Variants in SGMS1 observed in about 807,000 individuals in gnomAD.
SGMS1 encodes phosphatidylcholine:ceramide cholinephosphotransferase 1.
Under a neutral mutation model 46.2 loss-of-function variants are expected in SGMS1, and 13 were observed. The ratio of observed to expected loss-of-function variants is 0.28; its 90% confidence interval spans 0.18 to 0.45. SGMS1 has a LOEUF of 0.45. Among genes scored for constraint, SGMS1 ranks in the 20% least tolerant of loss-of-function variants. SGMS1 has a pLI of 1.00. For synonymous variants in SGMS1, 203 were observed against 187.8 expected (o/e 1.08, Z -0.66); for missense variants, 324 against 519.9 (o/e 0.62, Z 3.66).
chr10:50,383,235 A>C (rs1169155916), intron 6 of SGMS1, among the ~76,000 whole-genome samples: 2 of 152,220 alleles, frequency 1.3e-5, no homozygotes, highest in African/African-American at 2.4e-5. Flanking sequence ...ATCACATAGA[A>C]GAATTATGCA....
At position 50,392,840 on chromosome 10, in the gene SGMS1, T is replaced by C. The variant is rs565259437; in HGVS notation, c.-232+40636A>G. Among the ~76,000 whole-genome samples, 5 of 152,304 alleles carry C rather than the reference T, an allele frequency of 3.3e-5. No individual in the cohort carries two copies. In the East Asian group the frequency reaches 9.6e-4, roughly 29 times the overall value. ...AAGAATCCAGAAAGTTGATTGTTAATGCTGGGAGATACGGATATGGAGTTC... is the reference window on the plus strand; with the variant it reads ...AAGAATCCAGAAAGTTGATTGTTAACGCTGGGAGATACGGATATGGAGTTC... On this transcript the variant is annotated intron_variant, in intron 6 of 10. Transcript: ENST00000361781.
At chr10:50,487,367 A>G (rs978359714) in intron 3 of SGMS1, among the ~76,000 whole-genome samples, 2 of 152,164 alleles carry the variant, frequency 1.3e-5, no homozygotes, top group Non-Finnish European at 2.9e-5. Context: ...GCAGATGGAA[A>G]ATAGCTAATG....
At chr10:50,358,548 G>A (rs895401591) in intron 6 of SGMS1, among the ~76,000 whole-genome samples, 10 of 152,098 alleles carry the variant, frequency 6.6e-5, no homozygotes, top group Non-Finnish European at 1.2e-4. Flanking sequence ...ACTTAACTGG[G>A]CGTGGTAGCT....
At chr10:50,601,420 C>G (rs1385099935) in intron 1 of SGMS1, among the ~76,000 whole-genome samples, 2 of 152,232 alleles carry the variant, frequency 1.3e-5, no homozygotes, top group African/African-American at 4.8e-5. Context: ...ATTTTCTCAT[C>G]ATTTAGCTGC....
At chr10:50,396,412 A>G (rs1030380887) in intron 6 of SGMS1, among the ~76,000 whole-genome samples, 4 of 152,216 alleles carry the variant, frequency 2.6e-5, no homozygotes, top group Non-Finnish European at 1.5e-5. Flanking sequence ...ATGTTCCACA[A>G]CTGTAAATGC....
At chr10:50,447,175 G>A (rs1327701752) in intron 5 of SGMS1, among the ~76,000 whole-genome samples, 1 of 152,016 alleles carries the variant, frequency 6.6e-6, no homozygotes, top group Non-Finnish European at 1.5e-5. Context: ...CAATTCAAGG[G>A]AGAGAGACTC....
chr10:50,436,803 T>C (rs1005673057), intron 5 of SGMS1, among the ~76,000 whole-genome samples: 6 of 107,548 alleles, frequency 5.6e-5, no homozygotes, highest in African/African-American at 1.9e-4. Context: ...CCTGTGGCCA[T>C]GAGACACAGT....
At chr10:50,596,232 A>C (rs1382358335) in intron 1 of SGMS1, among the ~76,000 whole-genome samples, 1 of 148,598 alleles carries the variant, frequency 6.7e-6, no homozygotes, top group Non-Finnish European at 1.5e-5. Context: ...GCTGAAGTGC[A>C]ATGGCACGAT....
At chr10:50,529,022 G>A (rs950759475) in intron 2 of SGMS1, among the ~76,000 whole-genome samples, 8 of 152,182 alleles carry the variant, frequency 5.3e-5, no homozygotes, top group Non-Finnish European at 7.3e-5. Context: ...TATTTCCACA[G>A]CAATACATTG....
chr10:50,316,818 G>C (rs1289133259), intron 8 of SGMS1, among the ~76,000 whole-genome samples: 1 of 152,176 alleles, frequency 6.6e-6, no homozygotes. Context: ...ATCTTCAGCA[G>C]CCTGCAACTG....
At chr10:50,574,961 G>GTA (rs1491469065) in intron 2 of SGMS1, among the ~76,000 whole-genome samples, 36 of 45,280 alleles carry the variant, frequency 8.0e-4, no homozygotes, top group Middle Eastern at 0.018. Context: ...GGAAAATGTG[G>GTA]TGTATATATA....
intron 2 of SGMS1, among the ~76,000 whole-genome samples, chr10:50,577,941 G>A (rs1838399839): frequency 1.3e-5 from 2 of 152,188 alleles, no homozygotes. Flanking sequence ...GACCATGTTG[G>A]TTACTACACA....
At chr10:50,331,054 A>G (rs1321959424) in intron 7 of SGMS1, among the ~76,000 whole-genome samples, 2 of 152,250 alleles carry the variant, frequency 1.3e-5, no homozygotes, top group Middle Eastern at 3.2e-3. Context: ...ATGAAATAGC[A>G]CTAAGAATGG....
At chr10:50,420,442 T>C (rs1849240615) in intron 6 of SGMS1, among the ~76,000 whole-genome samples, 1 of 152,102 alleles carries the variant, frequency 6.6e-6, no homozygotes, top group Non-Finnish European at 1.5e-5. Flanking sequence ...TCTCAACACA[T>C]CATCATCATC....
intron 8 of SGMS1, among the ~76,000 whole-genome samples, chr10:50,312,582 CAGAA>C (rs1311358298): frequency 6.6e-6 from 1 of 152,108 alleles, no homozygotes; most frequent in African/African-American, 2.4e-5. Flanking sequence ...CACTGAAAAA[CAGAA>C]AGCTTTGAGA....
At chr10:50,491,271 C>T (rs150236426) in intron 3 of SGMS1, among the ~76,000 whole-genome samples, 1 of 152,142 alleles carries the variant, frequency 6.6e-6, no homozygotes, top group South Asian at 2.1e-4. Flanking sequence ...GGAGGATCCT[C>T]GAGCCCCACA....
chr10:50,398,402 A>C (rs533549334), intron 6 of SGMS1, among the ~76,000 whole-genome samples: 7 of 152,182 alleles, frequency 4.6e-5, no homozygotes, highest in African/African-American at 1.7e-4. Flanking sequence ...TTTAATCCAA[A>C]CTGGTTTATA....
intron 6 of SGMS1, among the ~76,000 whole-genome samples, chr10:50,430,129 C>T (rs1849386126): frequency 6.6e-6 from 1 of 152,110 alleles, no homozygotes; most frequent in Non-Finnish European, 1.5e-5. Context: ...CCTAGAGTGT[C>T]CCCTAAGCAC....
At chr10:50,424,175 T>C (rs1291322966) in intron 6 of SGMS1, among the ~76,000 whole-genome samples, 1 of 152,162 alleles carries the variant, frequency 6.6e-6, no homozygotes, top group Non-Finnish European at 1.5e-5. Context: ...GATGAGAAGA[T>C]TGAGAGCGAA....
Sources: allele counts gnomAD v4.1 joint callset (sites outside exome capture counted in the v4.1 genomes callset), GRCh38; gene constraint gnomAD v4.1.1; transcripts MANE v1.5; gene names NCBI Gene and HGNC (gene_info 2026-07-23, HGNC 2026-07-21).